The following BPI variants were observed in gnomAD, a reference collection of about 807,000 sequenced individuals.
BPI encodes bactericidal permeability increasing protein, also known as bactericidal permeability-increasing protein.
A neutral mutation model predicts 57.6 loss-of-function variants in BPI; 48 were observed. The ratio of observed to expected loss-of-function variants is 0.83; its 90% CI spans 0.66 to 1.06. The LOEUF is 1.06. Among genes scored for constraint, BPI ranks in the 50% least tolerant of loss-of-function variants. The probability of loss-of-function intolerance (pLI) is 0.00; values close to 1 mark genes in which losing one functional copy is unlikely to be tolerated. For missense variants in BPI, 651 were observed against 609.7 expected (o/e 1.07, Z -0.71); for synonymous variants, 237 against 238.2 (o/e 0.99, Z 0.05).
In BPI at chr20:38,324,018, T is replaced by C; in HGVS notation, c.905T>C (p.Val302Ala). The change falls in exon 8 of 15, where the codon GTC (valine) becomes GCC (alanine). Residue 302 changes from valine to alanine, a missense_variant. Transcript: ENST00000642449. ...TAGLVYQEAG[V>A]LKMTLRDDMI... Reference sequence around the variant, plus strand: ...GGGCTTGTATACCAAGAGGCTGGGGTCTTGAAGATGACCCTTAGAGATGAC... The same window carrying C: ...GGGCTTGTATACCAAGAGGCTGGGGCCTTGAAGATGACCCTTAGAGATGAC... 1.2e-6 allele frequency: 2 copies of C among 1,613,980 alleles called. No homozygotes were observed. The highest frequency in any genetic ancestry group is 1.7e-6 in the Non-Finnish European group (2 of 1,180,020).
chr20:38,316,057 C>T (rs954549835), intron 5 of BPI, among the ~76,000 whole-genome samples: 3 of 152,104 alleles, frequency 2.0e-5, no homozygotes, highest in Non-Finnish European at 4.4e-5. Context: ...TGGTCTCAAA[C>T]TCCTGACCTC....
intron 12 of BPI, among the ~76,000 whole-genome samples, chr20:38,333,491 A>C (rs2076752228): frequency 6.6e-6 from 1 of 152,308 alleles, no homozygotes; most frequent in Non-Finnish European, 1.5e-5. Context: ...GATTTGCAAA[A>C]GAAAGAAAAT....
chr20:38,327,772 A>C, intron 11 of BPI, 117 bp downstream of exon 11: 1 of 1,218,878 alleles, frequency 8.2e-7, no homozygotes, highest in Admixed American at 2.0e-5. Context: ...TTGGCTCATC[A>C]CATTAAAACC....
chr20:38,323,484 T>C (rs1568815844), intron 7 of BPI, among the ~76,000 whole-genome samples: 2 of 152,180 alleles, frequency 1.3e-5, no homozygotes, highest in Admixed American at 6.5e-5. Flanking sequence ...GTTCTTTTCG[T>C]AGGGTTTCTG....
rs759609264 is a variant in BPI, at chr20:38,309,072, C to G, written c.374+14C>G. On this transcript the variant is annotated intron_variant, in intron 3 of 14. Coordinates refer to ENST00000642449, the MANE Select transcript of BPI (RefSeq NM_001725.3). The stretch of plus-strand genomic sequence containing the variant: ...AAAGAGATTCTTGTGCGTTTCCATG[C>G]TTGCGGTTTGTTGGGTGTGCTCTTG... 9 of 1,613,840 alleles carry G rather than the reference C, an allele frequency of 5.6e-6. No homozygotes were observed. Among genetic ancestry groups the G allele is most frequent in the Non-Finnish European group, 6.8e-6 (8 of 1,179,896 alleles).
chr20:38,304,288 C>A lies in BPI; in HGVS notation c.65C>A (p.Thr22Asn), dbSNP rs990405461. The A allele has an allele frequency of 7.4e-6, 12 of 1,614,064 alleles. No individual in the cohort carries two copies. Among genetic ancestry groups the A allele is most frequent in the Middle Eastern group, 1.6e-4 (1 of 6,082 alleles). ...CTGATGGTGCTGGTCGCCATAGGCA[C>A]CGCCGTGACAGCGGCCGTCAACCCT... ...ASLMVLVAIG[T>N]AVTAAVNPGV... Residue 22 changes from threonine to asparagine, a missense_variant, in exon 1 of 15, where the codon ACC becomes AAC. By Grantham distance (65) the Thr-to-Asn change is moderately conservative (BLOSUM62 0). Coordinates refer to ENST00000642449, the MANE Select transcript of BPI (RefSeq NM_001725.3).
rs373307325 is a variant in BPI, at chr20:38,318,505, A to T, written c.664+29A>T. The T allele has an allele frequency of 1.9e-6, 3 of 1,603,018 alleles. No individual in the cohort carries two copies. The African/African-American group carries it at 4.0e-5, about 22-fold the overall frequency. On this transcript the variant is annotated intron_variant, in intron 6 of 14. Transcript: ENST00000642449. ...AGGGCTGGATGAAGATCAAGGATAG[A>T]AAGGAACAGAAATGGGAGGGGGTGA...
intron 4 of BPI, 118 bp downstream of exon 4, chr20:38,310,770 G>A (rs899234728): frequency 1.3e-5 from 18 of 1,372,236 alleles, no homozygotes; most frequent in Middle Eastern, 2.4e-4. Flanking sequence ...TTGCTCAGAG[G>A]CCTCAGGCAT....
chr20:38,311,753 G>GGAGA (rs2076622962), intron 4 of BPI, 121 bp from the exon 5 acceptor site: 2 of 870,988 alleles, frequency 2.3e-6, no homozygotes, highest in African/African-American at 3.3e-5. Flanking sequence ...AGAGCTCAGA[G>GGAGA]GAGAGGGTGC....
intron 1 of BPI, among the ~76,000 whole-genome samples, chr20:38,306,127 G>T (rs1260898741): frequency 6.6e-6 from 1 of 152,156 alleles, no homozygotes; most frequent in Non-Finnish European, 1.5e-5. Context: ...TGCCTCCGGG[G>T]TTCAAGTGAT....
chr20:38,312,689 G>A (rs922784478), intron 5 of BPI, among the ~76,000 whole-genome samples: 4 of 152,176 alleles, frequency 2.6e-5, no homozygotes, highest in African/African-American at 7.2e-5. Context: ...CCAGGAGTAG[G>A]AGCAAGGAGA....
At chr20:38,331,843 CAAAA>C (rs71644569) in intron 12 of BPI, among the ~76,000 whole-genome samples, 4 of 80,962 alleles carry the variant, frequency 4.9e-5, no homozygotes, top group East Asian at 2.6e-4. Context: ...AATCTTGTCT[CAAAA>C]AAAAAAAAAA....
chr20:38,329,374 C>T (rs887657028), intron 11 of BPI, among the ~76,000 whole-genome samples: 151 of 152,366 alleles, frequency 9.9e-4, no homozygotes, highest in African/African-American at 3.5e-3. Flanking sequence ...ACCAAGTCGT[C>T]CTTCTTCACC....
rs540862302 is a variant in BPI at position 38,331,080 on chromosome 20, G to C, written c.1262G>C (p.Gly421Ala). ...CTGGAACTGAAGCACTCAAATATTGGCCCCTTCCCGGTGAGTCTGAGGCCC... is the reference window on the plus strand; with the variant it reads ...CTGGAACTGAAGCACTCAAATATTGCCCCCTTCCCGGTGAGTCTGAGGCCC... Reference protein sequence around the residue: ...LLLELKHSNIGPFPVELLQDI... With the variant: ...LLLELKHSNIAPFPVELLQDI... The change falls in exon 12 of 15, where the codon GGC (glycine) becomes GCC (alanine). Residue 421 changes from glycine to alanine, a missense_variant. Gly to Ala is a moderately conservative substitution (Grantham distance 60). Transcript: ENST00000642449. The C allele has an allele frequency of 4.0e-4, 644 of 1,614,030 alleles. 4 individuals are homozygous for C. In the South Asian group the frequency reaches 6.3e-3, roughly 16 times the overall value.
rs369359815 is a variant in BPI at position 38,330,249 on chromosome 20, G to GA, written c.1230-789dup. ...GCTAGTGAGACCCCATCTCAAAGAA[G>GA]AAAAAAAAAAGCAAACCGTGCTTTG... is the stretch of plus-strand genomic sequence containing the variant. On this transcript the variant is annotated intron_variant, in intron 11 of 14. Transcript: ENST00000642449. Among the ~76,000 whole-genome samples the GA allele has an allele frequency of 1.3e-4, 20 of 148,290 alleles. No individual in the cohort carries two copies. In the East Asian group the frequency reaches 1.8e-3, roughly 13 times the overall value.
At chr20:38,316,087 G>A (rs1264140800) in intron 5 of BPI, among the ~76,000 whole-genome samples, 4 of 151,062 alleles carry the variant, frequency 2.6e-5, no homozygotes, top group Non-Finnish European at 5.9e-5. Context: ...ACCCACCTCG[G>A]CCTCTCAAAG....
chr20:38,307,708 G>T (rs771920943), intron 2 of BPI, 27 bp downstream of exon 2: 7 of 1,559,692 alleles, frequency 4.5e-6, no homozygotes, highest in Non-Finnish European at 6.2e-6. Context: ...CTCAATCCTC[G>T]ATTTGCAGGA....
At chr20:38,311,969 A>G in intron 5 of BPI, 32 bp downstream of exon 5, 4 of 1,606,590 alleles carry the variant, frequency 2.5e-6, no homozygotes, top group Non-Finnish European at 2.6e-6. Context: ...ATCAGCAAAC[A>G]GAGGAGAAGG....
intron 7 of BPI, chr20:38,321,696 A>G: frequency 6.6e-6 from 1 of 152,138 alleles, no homozygotes. Flanking sequence ...ACTGCAGAGG[A>G]ATGCAGAAAT....
Sources: gnomAD v4.1 joint callset for allele counts (sites outside exome capture counted in the v4.1 genomes callset) on GRCh38, gnomAD v4.1.1 for gene constraint, MANE v1.5 for transcripts, NCBI Gene and HGNC (gene_info 2026-07-23, HGNC 2026-07-21) for gene names.